MOBP: variants seen among roughly 807,000 people sequenced by gnomAD.
MOBP encodes myelin-associated oligodendrocyte basic protein.
In MOBP, 5 loss-of-function variants were observed where a neutral mutation model predicts 15.0. That is an observed-to-expected ratio of 0.33 (90% CI 0.17 to 0.70). The LOEUF (loss-of-function observed/expected upper bound fraction) is 0.70, where lower values mean the gene tolerates loss of function less well. Ranked by LOEUF, MOBP falls within the 30% of genes least tolerant of loss-of-function variation. MOBP has a pLI of 0.67. For missense variants in MOBP, 188 were observed against 257.8 expected (o/e 0.73, Z 1.85); for synonymous variants, 88 against 99.0 (o/e 0.89, Z 0.66).
At chr3:39,511,163 G>A (rs949432590) in intron 4 of MOBP, among the ~76,000 whole-genome samples, 1 of 152,140 alleles carries the variant, frequency 6.6e-6, no homozygotes, top group African/African-American at 2.4e-5. Context: ...TATGAGAGAT[G>A]GTTACCAAAG....
chr3:39,477,658 T>G (rs2042562830), intron 1 of MOBP, among the ~76,000 whole-genome samples: 1 of 148,964 alleles, frequency 6.7e-6, no homozygotes, highest in Non-Finnish European at 1.5e-5. Context: ...AGGTTCTTCC[T>G]GAGGTGTTCC....
chr3:39,500,170 G>A (rs1559423415), intron 2 of MOBP: 1 of 439,634 alleles, frequency 2.3e-6, no homozygotes, highest in Non-Finnish European at 4.6e-6. Flanking sequence ...CTGGCCATTA[G>A]CACATTATGT....
At position 39,468,835 on chromosome 3, in the gene MOBP, GTATATATACATATATACATGAGTGTGTA is replaced by G. The variant is rs1559411583; in HGVS notation, c.-89+1102_-89+1129del. Among the ~76,000 whole-genome samples, 30 of 112,688 alleles carry G rather than the reference GTATATATACATATATACATGAGTGTGTA, an allele frequency of 2.7e-4. 5 individuals are homozygous for G. The highest frequency in any genetic ancestry group is 1.6e-3 in the African/African-American group (29 of 18,088). 73.9% of individuals were successfully genotyped at this position (112,688 alleles called of 152,430 possible). A position where few individuals can be genotyped will look rare whatever the true frequency, so the allele number is the denominator to read the frequency against. ...GTGTGTATACATATTACATATGTGT[GTATATATACATATATACATGAGTGTGTA>G]TATATACATATATACATATGTGTGT... On this transcript the variant is annotated intron_variant, in intron 1 of 3. Coordinates refer to ENST00000684792, the MANE Select transcript of MOBP (RefSeq NM_001393704.1).
Position 39,502,946 on chromosome 3 carries a change from C to T in MOBP, c.*66C>T, listed in dbSNP as rs181948363. Reference sequence around the variant, plus strand: ...AGTTGCTTCCTGTGTTTACTAACACCGGGCTGTCTCCATGGCCCTCTTCAG... The same window carrying T: ...AGTTGCTTCCTGTGTTTACTAACACTGGGCTGTCTCCATGGCCCTCTTCAG... On this transcript the variant is annotated 3_prime_UTR_variant, in exon 4 of 4. Transcript: ENST00000684792. The surrounding 1 kb of genome is among the most constrained non-coding windows in gnomAD (Gnocchi z 6.3). The T allele has an allele frequency of 7.4e-5, 55 of 740,488 alleles. No individual in the cohort carries two copies. Among genetic ancestry groups the T allele is most frequent in the Non-Finnish European group, 1.1e-4 (50 of 462,678 alleles). The allele number at this position is 740,488 out of a possible 1,614,324, so 45.9% of individuals were successfully genotyped here.
rs1024755541 is a variant in MOBP at position 39,478,817 on chromosome 3, GTCTTTTTTTTTCTTCT to G, written c.-88-1208_-88-1193del. Among the ~76,000 whole-genome samples the G allele has an allele frequency of 2.0e-5, 3 of 151,288 alleles. No homozygotes were observed. In the South Asian group the frequency reaches 6.3e-4, roughly 32 times the overall value. ...GCTTCTATATCACTACTGATCATTT[GTCTTTTTTTTTCTTCT>G]TCTTTTTTTTTCTTGAGATGGAGTC... On this transcript the variant is annotated intron_variant, in intron 1 of 3. Coordinates refer to ENST00000684792, the MANE Select transcript of MOBP (RefSeq NM_001393704.1).
chr3:39,483,954 A>G lies in MOBP; in HGVS notation c.-5+3831A>G, dbSNP rs372715876. Among the ~76,000 whole-genome samples the G allele has an allele frequency of 3.5e-4, 54 of 152,340 alleles. No homozygotes were observed. The East Asian group carries it at 0.01, about 28-fold the overall frequency. On this transcript the variant is annotated intron_variant, in intron 2 of 3. Coordinates refer to ENST00000684792, the MANE Select transcript of MOBP (RefSeq NM_001393704.1). Reference sequence around the variant, plus strand: ...ACCTGGGGAATTTTAAGACACTTTCAACCCAATCAGTGTCAACGTTCGTTC... The same window carrying G: ...ACCTGGGGAATTTTAAGACACTTTCGACCCAATCAGTGTCAACGTTCGTTC...
At chr3:39,474,026 G>A (rs774936916) in intron 1 of MOBP, among the ~76,000 whole-genome samples, 6 of 152,170 alleles carry the variant, frequency 3.9e-5, no homozygotes, top group Non-Finnish European at 7.4e-5. Flanking sequence ...ATAGCGCATT[G>A]AGACAATTGA....
At chr3:39,508,291 C>G (rs919036466) in intron 4 of MOBP, among the ~76,000 whole-genome samples, 2 of 152,164 alleles carry the variant, frequency 1.3e-5, no homozygotes, top group Non-Finnish European at 2.9e-5. Flanking sequence ...TAAAATTAAA[C>G]TCTTTTGGCA....
In MOBP at chr3:39,502,385, TTAGGCTCCG is replaced by T; in HGVS notation, c.206+111_206+119del. On this transcript the variant is annotated intron_variant, in intron 3 of 3. Coordinates refer to ENST00000684792, the MANE Select transcript of MOBP (RefSeq NM_001393704.1). This position sits in a 1 kb window ranked among gnomAD's most constrained non-coding sequence, Gnocchi z 6.3. ...ACTCTTCCCCCTAGTCGGCTCCGGG[TTAGGCTCCG>T]ACACCGGAAGGCACTCCAGGGAGAC... 1 of 1,547,320 alleles carries T rather than the reference TTAGGCTCCG, an allele frequency of 6.5e-7. No individual in the cohort carries two copies. The highest frequency in any genetic ancestry group is 8.7e-7 in the Non-Finnish European group (1 of 1,149,566).
intron 2 of MOBP, 132 bp downstream of exon 2, chr3:39,480,255 A>G (rs2042608898): frequency 2.0e-5 from 3 of 152,194 alleles, no homozygotes; most frequent in African/African-American, 7.2e-5. Flanking sequence ...AGTAAGAGTT[A>G]AACACTTCTT....
intron 2 of MOBP, among the ~76,000 whole-genome samples, chr3:39,495,577 G>A (rs1190213432): frequency 6.6e-6 from 1 of 151,218 alleles, no homozygotes; most frequent in East Asian, 1.9e-4. Context: ...CCCAGGGAGA[G>A]CCTGTCTCTA....
chr3:39,489,686 T>TCCCC (rs550816061), intron 2 of MOBP, among the ~76,000 whole-genome samples: 10,947 of 150,256 alleles, frequency 0.073, 524 homozygotes, highest in Middle Eastern at 0.15. Flanking sequence ...GGTGTATTGT[T>TCCCC]CCCCGCCCAG....
At chr3:39,500,786 A>G (rs562810440) in intron 2 of MOBP, among the ~76,000 whole-genome samples, 54 of 152,362 alleles carry the variant, frequency 3.5e-4, no homozygotes, top group Non-Finnish European at 2.4e-4. Flanking sequence ...AAAATGGGGC[A>G]TCATGAGTAT....
intron 1 of MOBP, among the ~76,000 whole-genome samples, chr3:39,472,499 C>G (rs1000827894): frequency 2.0e-5 from 3 of 152,190 alleles, no homozygotes; most frequent in Non-Finnish European, 4.4e-5. Context: ...ATGACTGTTT[C>G]ATCTGGGCCG....
intron 2 of MOBP, among the ~76,000 whole-genome samples, chr3:39,480,366 G>A (rs929680184): frequency 2.0e-5 from 3 of 152,146 alleles, no homozygotes; most frequent in Non-Finnish European, 4.4e-5. Context: ...GCCACCGAGT[G>A]TCTGTGCTTG....
chr3:39,487,733 A>G (rs1180971613), intron 2 of MOBP, among the ~76,000 whole-genome samples: 1 of 151,868 alleles, frequency 6.6e-6, no homozygotes. Context: ...CGTGTTAGTC[A>G]GGATGGTCTT....
intron 3 of MOBP, among the ~76,000 whole-genome samples, chr3:39,523,357 G>C (rs554566828): frequency 6.6e-6 from 1 of 151,934 alleles, no homozygotes; most frequent in Admixed American, 6.6e-5. Context: ...TTATAATATT[G>C]CTCTTTTATT....
At chr3:39,472,955 AT>A (rs2042492164) in intron 1 of MOBP, among the ~76,000 whole-genome samples, 1 of 152,074 alleles carries the variant, frequency 6.6e-6, no homozygotes, top group East Asian at 1.9e-4. Context: ...GGAAAAAAAA[AT>A]AATTGGGGGC....
At chr3:39,526,683 A>G (rs2043326682), downstream of MOBP, 1 of 152,160 alleles carries the variant, frequency 6.6e-6, no homozygotes, top group African/African-American at 2.4e-5. Context: ...TAAATACCCA[A>G]CAACTGGGTC....
Sources: gnomAD v4.1 joint callset for allele counts (sites outside exome capture counted in the v4.1 genomes callset) on GRCh38, gnomAD v4.1.1 for gene constraint, Gnocchi (gnomAD v3.1) non-coding constraint, MANE v1.5 for transcripts, NCBI Gene and HGNC (gene_info 2026-07-23, HGNC 2026-07-21) for gene names.